Variants in SCHIP1 observed in about 807,000 individuals in gnomAD.
SCHIP1 encodes the protein schwannomin interacting protein 1.
In SCHIP1, 8 loss-of-function variants were observed where a neutral mutation model predicts 29.7. The observed-to-expected ratio is 0.27, with a 90% CI of 0.16 to 0.49. SCHIP1 has a LOEUF of 0.49. Among genes scored for constraint, SCHIP1 ranks in the 20% least tolerant of loss-of-function variants. SCHIP1 has a pLI of 0.99. For synonymous variants in SCHIP1, 76 were observed against 94.9 expected (o/e 0.80, Z 1.16); for missense variants, 193 against 294.6 (o/e 0.66, Z 2.52).
chr3:159,879,551 C>G (rs1043146548), intron 2 of SCHIP1, among the ~76,000 whole-genome samples: 5 of 152,144 alleles, frequency 3.3e-5, no homozygotes, highest in Non-Finnish European at 4.4e-5. Context: ...TTGGAAATTA[C>G]TTGGCCTTAT....
chr3:159,369,843 A>G, the SCHIP1 span, among the ~76,000 whole-genome samples: 1 of 152,200 alleles, frequency 6.6e-6, no homozygotes. Context: ...CAAGAAAAAT[A>G]AAAAGAAATC....
At chr3:159,896,096 C>G (rs1050249832) in intron 6 of SCHIP1, among the ~76,000 whole-genome samples, 34 of 152,218 alleles carry the variant, frequency 2.2e-4, no homozygotes, top group African/African-American at 7.2e-4. Context: ...CGTGGAATAT[C>G]TTTACATCCA....
At chr3:159,695,100 C>A in the SCHIP1 span, among the ~76,000 whole-genome samples, 3 of 152,092 alleles carry the variant, frequency 2.0e-5, no homozygotes, top group Admixed American at 2.0e-4. Context: ...TTAATAGATC[C>A]AACAAATATT....
chr3:159,476,776 A>T, the SCHIP1 span, among the ~76,000 whole-genome samples: 1 of 152,170 alleles, frequency 6.6e-6, no homozygotes, highest in Non-Finnish European at 1.5e-5. Flanking sequence ...CCTAATTAAC[A>T]TATATACCCT....
At chr3:159,625,688 G>A in the SCHIP1 span, among the ~76,000 whole-genome samples, 1 of 151,996 alleles carries the variant, frequency 6.6e-6, no homozygotes, top group East Asian at 1.9e-4. Context: ...CAGAAAGCTG[G>A]TTTGTCTGCA....
chr3:159,889,366 G>A (rs1473050874), intron 5 of SCHIP1, among the ~76,000 whole-genome samples: 1 of 152,166 alleles, frequency 6.6e-6, no homozygotes, highest in African/African-American at 2.4e-5. Context: ...TCCAGGTGGT[G>A]GAGTATGTGG....
the SCHIP1 span, among the ~76,000 whole-genome samples, chr3:159,567,808 CT>C: frequency 1.1e-4 from 17 of 152,192 alleles, no homozygotes; most frequent in East Asian, 3.1e-3. Context: ...CTTTGCTCCC[CT>C]ATGACTATTT....
intron 6 of SCHIP1, chr3:159,892,829 T>C (rs376051779): frequency 6.5e-6 from 1 of 152,716 alleles, no homozygotes; most frequent in Admixed American, 6.5e-5. Context: ...CAGGAAAGCA[T>C]GTCACTGTAA....
At chr3:159,337,599 G>T in the SCHIP1 span, among the ~76,000 whole-genome samples, 2 of 152,056 alleles carry the variant, frequency 1.3e-5, no homozygotes, top group Non-Finnish European at 2.9e-5. Flanking sequence ...ATTCACAATT[G>T]CTTCAAAGAG....
At chr3:159,387,281 A>T in the SCHIP1 span, 1 of 243,406 alleles carries the variant, frequency 4.1e-6, no homozygotes, top group African/African-American at 2.3e-5. Flanking sequence ...ATAATCTTTA[A>T]ATTTTCATCC....
the SCHIP1 span, among the ~76,000 whole-genome samples, chr3:159,630,788 G>A: frequency 1.3e-5 from 2 of 152,066 alleles, no homozygotes; most frequent in African/African-American, 4.8e-5. Flanking sequence ...TGGGCGATGG[G>A]TGCACCAAAA....
At chr3:159,694,537 C>CAAGAAAGAAAGAAAGAAAGA in the SCHIP1 span, among the ~76,000 whole-genome samples, 1 of 119,348 alleles carries the variant, frequency 8.4e-6, no homozygotes, top group Non-Finnish European at 1.7e-5. Context: ...AAAGAAAAGA[C>CAAGAAAGAAAGAAAGAAAGA]AAGAAAGAAA....
the SCHIP1 span, among the ~76,000 whole-genome samples, chr3:159,814,417 CCCAG>C: frequency 1.3e-5 from 2 of 152,326 alleles, no homozygotes; most frequent in African/African-American, 4.8e-5. Context: ...GCTTCCTGCA[CCCAG>C]TGCTCTATAA....
the SCHIP1 span, among the ~76,000 whole-genome samples, chr3:159,727,509 G>T: frequency 1.3e-5 from 2 of 152,082 alleles, no homozygotes; most frequent in Admixed American, 6.5e-5. Flanking sequence ...AACTCGCAAG[G>T]GTTGGAAAAT....
intron 2 of SCHIP1, among the ~76,000 whole-genome samples, chr3:159,877,210 A>G (rs918434316): frequency 1.3e-5 from 2 of 151,996 alleles, no homozygotes; most frequent in Non-Finnish European, 2.9e-5. Context: ...ATTAGCCAGG[A>G]GTGGTGGCGG....
the SCHIP1 span, among the ~76,000 whole-genome samples, chr3:159,428,507 C>T: frequency 6.6e-6 from 1 of 152,182 alleles, no homozygotes; most frequent in Non-Finnish European, 1.5e-5. Flanking sequence ...TACCATCTCA[C>T]ACCAGTTAGA....
At chr3:159,693,183 G>T in the SCHIP1 span, among the ~76,000 whole-genome samples, 1 of 152,062 alleles carries the variant, frequency 6.6e-6, no homozygotes, top group Non-Finnish European at 1.5e-5. Context: ...GAGAATTGAT[G>T]CCATAAATTG....
chr3:159,512,000 G>A, the SCHIP1 span, among the ~76,000 whole-genome samples: 86 of 152,212 alleles, frequency 5.7e-4, no homozygotes, highest in Middle Eastern at 6.8e-3. Context: ...AAATTTGACC[G>A]CGTTGAATTT....
intron 2 of SCHIP1, among the ~76,000 whole-genome samples, chr3:159,880,532 G>T (rs1431329899): frequency 6.6e-6 from 1 of 152,276 alleles, no homozygotes; most frequent in African/African-American, 2.4e-5. Context: ...ATCACTTAAT[G>T]TAGGGGTCGT....
Sources: allele counts gnomAD v4.1 joint callset (sites outside exome capture counted in the v4.1 genomes callset), GRCh38; gene constraint gnomAD v4.1.1; transcripts MANE v1.5; gene names NCBI Gene and HGNC (gene_info 2026-07-23, HGNC 2026-07-21).